Variants in SATL1 observed in about 807,000 individuals in gnomAD.
SATL1 encodes spermidine/spermine N(1)-acetyltransferase-like protein 1.
A neutral mutation model predicts 51.8 loss-of-function variants in SATL1; 47 were observed. The ratio of observed to expected loss-of-function variants is 0.91; its 90% CI spans 0.72 to 1.16. The LOEUF (loss-of-function observed/expected upper bound fraction) is 1.16, where lower values mean the gene tolerates loss of function less well. Ranked by LOEUF, SATL1 falls within the 50% of genes most tolerant of loss-of-function variation. The pLI is 0.00. For missense variants in SATL1, 520 were observed against 526.4 expected (o/e 0.99, Z 0.12); for synonymous variants, 176 against 182.4 (o/e 0.97, Z 0.28).
chrX:85,178,651 A>C (rs778680502), intron 2 of SATL1, among the ~76,000 whole-genome samples: 25 of 110,348 alleles, frequency 2.3e-4, no homozygotes, highest in Non-Finnish European at 2.7e-4. Context: ...AACAAACAAA[A>C]AAAAACAAAA....
chrX:85,198,022 A>G (rs1816095905), intron 2 of SATL1, among the ~76,000 whole-genome samples: 1 of 110,751 alleles, frequency 9.0e-6, no homozygotes, highest in Admixed American at 9.7e-5. Flanking sequence ...ATTCTACTTT[A>G]TATTACCATG....
At chrX:85,150,397 C>A (rs776204061) in intron 2 of SATL1, among the ~76,000 whole-genome samples, 1 of 109,717 alleles carries the variant, frequency 9.1e-6, no homozygotes, top group Non-Finnish European at 1.9e-5. Context: ...CAAGGAGGAA[C>A]TGGTACCATT....
At chrX:85,164,977 G>A (rs1012175116) in intron 2 of SATL1, among the ~76,000 whole-genome samples, 4 of 110,724 alleles carry the variant, frequency 3.6e-5, no homozygotes, top group African/African-American at 1.3e-4. Context: ...GCCCACCTCG[G>A]CCTCCCAAAG....
At chrX:85,145,767 T>G (rs756066625) in intron 2 of SATL1, among the ~76,000 whole-genome samples, 1 of 111,641 alleles carries the variant, frequency 9.0e-6, no homozygotes, top group Admixed American at 9.5e-5. Flanking sequence ...TGCCATAATA[T>G]AGTAGTCCCC....
intron 5 of SATL1, 119 bp downstream of exon 5, chrX:85,094,797 A>C: frequency 2.1e-6 from 1 of 472,618 alleles, no homozygotes; most frequent in South Asian, 4.0e-5. Context: ...CTTTAAAAAA[A>C]CTGGGTTTAT....
chrX:85,189,808 G>A (rs927132553), intron 2 of SATL1, among the ~76,000 whole-genome samples: 2 of 111,832 alleles, frequency 1.8e-5, no homozygotes, highest in Admixed American at 9.5e-5. Flanking sequence ...GCTAATAGGA[G>A]CATTCAATAA....
At chrX:85,173,190 A>T (rs1927009205) in intron 2 of SATL1, among the ~76,000 whole-genome samples, 1 of 111,137 alleles carries the variant, frequency 9.0e-6, no homozygotes, top group Non-Finnish European at 1.9e-5. Flanking sequence ...ACTCAAAATA[A>T]TAAAACCTGT....
chrX:85,094,479 C>T (rs1427838152), intron 5 of SATL1, among the ~76,000 whole-genome samples: 1 of 111,995 alleles, frequency 8.9e-6, no homozygotes, highest in African/African-American at 3.2e-5. Flanking sequence ...CGCAGTGGCT[C>T]ATGGCTGTAA....
intron 2 of SATL1, among the ~76,000 whole-genome samples, chrX:85,166,047 A>ATGGTGC (rs1322203109): frequency 2.7e-5 from 3 of 111,754 alleles, no homozygotes; most frequent in Admixed American, 9.5e-5. Context: ...TATGTAATAA[A>ATGGTGC]TGGTGCTGGG....
In SATL1 at chrX:85,166,915, GTA is replaced by G. The variant is rs749160963; in HGVS notation, c.-313+57288_-313+57289del. Among the ~76,000 whole-genome samples, 124 of 84,017 alleles carry G rather than the reference GTA, an allele frequency of 1.5e-3. 1 individual carries two copies. The highest frequency in any genetic ancestry group is 2.4e-3 in the Admixed American group (19 of 7,761). 73.0% of individuals were successfully genotyped at this position (84,017 alleles called of 115,157 possible). ...CCAATAAGTGAATAAAGAAAATGGG[GTA>G]TATATATATATATATATATGTGTAT... On this transcript the variant is annotated intron_variant, in intron 2 of 7. Coordinates refer to ENST00000644105, the MANE Select transcript of SATL1 (RefSeq NM_001367857.2).
intron 2 of SATL1, among the ~76,000 whole-genome samples, chrX:85,184,332 G>C (rs1478337256): frequency 9.0e-6 from 1 of 111,211 alleles, no homozygotes; most frequent in Non-Finnish European, 1.9e-5. Context: ...ATCTTGGTAT[G>C]CTATGGTCTT....
chrX:85,193,887 T>C (rs917562861), intron 2 of SATL1, among the ~76,000 whole-genome samples: 2 of 112,446 alleles, frequency 1.8e-5, no homozygotes, highest in Admixed American at 9.5e-5. Context: ...CCATGGTGTA[T>C]ATATGCCACA....
intron 2 of SATL1, among the ~76,000 whole-genome samples, chrX:85,189,717 T>G (rs752535425): frequency 1.5e-3 from 173 of 112,327 alleles, no homozygotes; most frequent in Non-Finnish European, 2.3e-3. Context: ...GATTTGATAT[T>G]CAATTGGTAT....
In SATL1 at chrX:85,108,288, G is replaced by A; in HGVS notation, c.681C>T (p.Gly227=). ...GMSQQVPSQP[G]IRQPDTSQSC... is the part of the protein sequence containing the mutation. ...ATTGGCTAGTGTCTGGTTGCCTTAT[G>A]CCTGGTTGGCTGGGGACTTGCTGGC... The change falls in exon 3 of 8, where the codon GGC becomes GGT. Residue 227 remains glycine, a synonymous_variant. Coordinates refer to ENST00000644105, the MANE Select transcript of SATL1 (RefSeq NM_001367857.2). 1 of 1,211,697 alleles carries A rather than the reference G, an allele frequency of 8.3e-7. No homozygotes were observed. Among genetic ancestry groups the A allele is most frequent in the Non-Finnish European group, 1.1e-6 (1 of 895,491 alleles).
intron 2 of SATL1, among the ~76,000 whole-genome samples, chrX:85,182,144 T>C (rs1475355022): frequency 9.0e-6 from 1 of 111,418 alleles, no homozygotes; most frequent in African/African-American, 3.3e-5. Context: ...ATATTGTTGT[T>C]AACTATAGTC....
chrX:85,184,834 T>C (rs1299436747), intron 2 of SATL1, among the ~76,000 whole-genome samples: 1 of 112,176 alleles, frequency 8.9e-6, no homozygotes, highest in Non-Finnish European at 1.9e-5. Context: ...CACTGGTGCC[T>C]TATGTAGTTC....
chrX:85,170,628 G>A (rs139089240), intron 2 of SATL1, among the ~76,000 whole-genome samples: 11 of 111,637 alleles, frequency 9.9e-5, no homozygotes, highest in Admixed American at 1.9e-4. Context: ...TTCATGGCTT[G>A]AGAAAATCAG....
intron 2 of SATL1, among the ~76,000 whole-genome samples, chrX:85,192,962 T>A (rs1338216385): frequency 9.0e-6 from 1 of 111,422 alleles, no homozygotes; most frequent in Admixed American, 9.6e-5. Flanking sequence ...AACTTCACTC[T>A]ACTCTACTCT....
chrX:85,134,229 T>C (rs1202016659), intron 2 of SATL1, among the ~76,000 whole-genome samples: 1 of 110,981 alleles, frequency 9.0e-6, no homozygotes, highest in Non-Finnish European at 1.9e-5. Context: ...GTGTGTATAC[T>C]ATTAAGTTTA....
Sources: allele counts gnomAD v4.1 joint callset (sites outside exome capture counted in the v4.1 genomes callset), GRCh38; gene constraint gnomAD v4.1.1; transcripts MANE v1.5; gene names NCBI Gene and HGNC (gene_info 2026-07-23, HGNC 2026-07-21).